HSPA12A: variants seen among roughly 807,000 people sequenced by gnomAD.
HSPA12A encodes the protein heat shock protein family A (Hsp70) member 12A.
A neutral mutation model predicts 69.2 loss-of-function variants in HSPA12A; 28 were observed. The observed-to-expected ratio is 0.40, with a 90% CI of 0.30 to 0.55. HSPA12A has a LOEUF of 0.55. Ranked by LOEUF, HSPA12A falls within the 20% of genes least tolerant of loss-of-function variation. The pLI is 0.38. For missense variants in HSPA12A, 686 were observed against 900.7 expected (o/e 0.76, Z 3.05); for synonymous variants, 345 against 370.5 (o/e 0.93, Z 0.79).
chr10:116,707,263 A>C lies in HSPA12A; in HGVS notation c.63T>G (p.Tyr21Ter). The change falls in exon 2 of 12, where the codon TAT becomes TAG. Residue 21 changes from tyrosine to a stop codon, truncating the protein, a stop_gained. Coordinates refer to ENST00000369209, the MANE Select transcript of HSPA12A (RefSeq NM_025015.3). LOFTEE classifies it high-confidence loss of function. Reference protein sequence around the residue: ...GPRETAPTSAYSSPARSLGDT... With the variant: ...GPRETAPTSA ...CCCCAAGACTCCGGGCTGGAGATGA[A>C]TATGCAGATGTGGGAGCCGTTTCTG... 1 of 1,612,914 alleles carries C rather than the reference A, an allele frequency of 6.2e-7. No homozygotes were observed. Among genetic ancestry groups the C allele is most frequent in the East Asian group, 2.2e-5 (1 of 44,868 alleles).
rs1589614045 is a variant in HSPA12A, at chr10:116,672,642, A to G, written c.*2139T>C. ...AAAGTATCATCAACAAAAATCAAGCATTTTCCTCTTTTTGAAACAAGAAAA... is the reference window on the plus strand; with the variant it reads ...AAAGTATCATCAACAAAAATCAAGCGTTTTCCTCTTTTTGAAACAAGAAAA... On this transcript the variant is annotated 3_prime_UTR_variant, in exon 12 of 12. Coordinates refer to ENST00000369209, the MANE Select transcript of HSPA12A (RefSeq NM_025015.3). 1 of 152,590 alleles carries G rather than the reference A, an allele frequency of 6.6e-6. No homozygotes were observed. The highest frequency in any genetic ancestry group is 2.4e-5 in the African/African-American group (1 of 41,442). 9.5% of individuals were successfully genotyped at this position (152,590 alleles called of 1,614,324 possible). A position where few individuals can be genotyped will look rare whatever the true frequency, so the allele number is the denominator to read the frequency against.
chr10:116,720,889 C>T (rs73377095), intron 1 of HSPA12A, among the ~76,000 whole-genome samples: 5,434 of 152,256 alleles, frequency 0.036, 342 homozygotes, highest in African/African-American at 0.12. Flanking sequence ...CAGGACCACC[C>T]ACTGCAGCCT....
chr10:116,707,214 G>C lies in HSPA12A; in HGVS notation c.112C>G (p.Pro38Ala). 6.2e-7 allele frequency: 1 copy of C among 1,609,550 alleles called. No homozygotes were observed. The highest frequency in any genetic ancestry group is 8.5e-7 in the Non-Finnish European group (1 of 1,178,048). Reference protein sequence around the residue: ...LGDTGITPLSPSHIVNDTDSN... With the variant: ...LGDTGITPLSASHIVNDTDSN... ...ACACTTCTTACCACAATATGGGAGGGGGACAGAGGCGTTATTCCTGTGTCC... is the reference window on the plus strand; with the variant it reads ...ACACTTCTTACCACAATATGGGAGGCGGACAGAGGCGTTATTCCTGTGTCC... The change falls in exon 2 of 12, where the codon CCC becomes GCC. Residue 38 changes from proline (P) to alanine (A), a missense_variant. Transcript: ENST00000369209.
chr10:116,792,033 T>C (rs1015652841), intron 2 of HSPA12A, among the ~76,000 whole-genome samples: 19 of 152,092 alleles, frequency 1.2e-4, no homozygotes, highest in African/African-American at 4.6e-4. Flanking sequence ...TTCCTGGGAA[T>C]GTAATAATGA....
intron 2 of HSPA12A, among the ~76,000 whole-genome samples, chr10:116,777,967 C>A (rs1175050740): frequency 6.6e-6 from 1 of 152,124 alleles, no homozygotes; most frequent in Non-Finnish European, 1.5e-5. Flanking sequence ...ACCTCATGAT[C>A]CGCCCGCCTC....
At chr10:116,722,454 T>C (rs944503341) in intron 1 of HSPA12A, among the ~76,000 whole-genome samples, 5 of 152,316 alleles carry the variant, frequency 3.3e-5, no homozygotes, top group Non-Finnish European at 5.9e-5. Context: ...GGGAGGGTCC[T>C]GAATGGCATA....
intron 1 of HSPA12A, chr10:116,849,543 C>A (rs961937730): frequency 6.6e-7 from 1 of 1,508,442 alleles, no homozygotes; most frequent in East Asian, 2.5e-5. Flanking sequence ...GGCTAAACCC[C>A]GCTGTAGCCT....
intron 1 of HSPA12A, among the ~76,000 whole-genome samples, chr10:116,726,628 G>A (rs890769151): frequency 1.3e-5 from 2 of 152,264 alleles, no homozygotes; most frequent in East Asian, 3.9e-4. Flanking sequence ...AGGCCCAAGA[G>A]GGGGCTGCCC....
intron 1 of HSPA12A, among the ~76,000 whole-genome samples, chr10:116,713,037 G>A (rs145153666): frequency 0.016 from 1,685 of 102,318 alleles, 21 homozygotes; most frequent in Non-Finnish European, 0.02. Context: ...CCTGCTGGCT[G>A]TCAGATGTCA....
chr10:116,805,241 G>C (rs1845044185), intron 2 of HSPA12A, among the ~76,000 whole-genome samples: 1 of 152,114 alleles, frequency 6.6e-6, no homozygotes, highest in African/African-American at 2.4e-5. Flanking sequence ...GCGTGAACCC[G>C]GGAGGCGGAG....
intron 1 of HSPA12A, 36 bp downstream of exon 1, chr10:116,742,394 C>T (rs1322788261): frequency 1.5e-5 from 22 of 1,429,970 alleles, no homozygotes; most frequent in Admixed American, 5.2e-5. Flanking sequence ...CCCTGCCCCG[C>T]CAGCCGCGGC....
chr10:116,816,453 C>T (rs74477372), intron 2 of HSPA12A, among the ~76,000 whole-genome samples: 1,630 of 152,302 alleles, frequency 0.011, 22 homozygotes, highest in African/African-American at 0.034. Context: ...ACCTTTTCTC[C>T]GAGGCCTGGA....
At chr10:116,707,153 GCACACACACACACA>G (rs59728190) in intron 2 of HSPA12A, 33 bp downstream of exon 2, 25 of 583,410 alleles carry the variant, frequency 4.3e-5, no homozygotes, top group South Asian at 1.1e-4. Flanking sequence ...ACCCATGCGC[GCACACACACACACA>G]CACACACACA....
At chr10:116,749,089 A>G (rs1468786268) in intron 2 of HSPA12A, among the ~76,000 whole-genome samples, 2 of 152,084 alleles carry the variant, frequency 1.3e-5, no homozygotes, top group African/African-American at 4.8e-5. Context: ...CACCCAACCT[A>G]TGGTTCCATA....
Position 116,751,622 on chromosome 10 carries a change from A to G in HSPA12A, c.92-44337T>C, listed in dbSNP as rs193042627. On this transcript the variant is annotated intron_variant, in intron 2 of 12. Transcript: ENST00000635765. ...CTCTAAGTAAAATTGCTTTCCCAGG[A>G]AAAACAGTAACAGTTGCTATCATTT... 2.6e-3 allele frequency among the ~76,000 whole-genome samples: 392 copies of G among 152,322 alleles called. 5 individuals carry two copies. The highest frequency in any genetic ancestry group is 0.017 in the East Asian group (87 of 5,180).
Position 116,702,086 on chromosome 10 carries a change from G to A in HSPA12A, c.255-957C>T, listed in dbSNP as rs374508451. On this transcript the variant is annotated intron_variant, in intron 3 of 11. Transcript: ENST00000369209. ...ATCGCATCACTGCACTCCAGCCTGG[G>A]CAACACAGCAAGACCCTATCTCTAA... 7.8e-4 allele frequency among the ~76,000 whole-genome samples: 118 copies of A among 151,772 alleles called. 1 individual carries two copies. Among genetic ancestry groups the A allele is most frequent in the African/African-American group, 2.7e-3 (113 of 41,366 alleles).
At chr10:116,706,944 C>A (rs1305963379) in intron 2 of HSPA12A, among the ~76,000 whole-genome samples, 5 of 152,190 alleles carry the variant, frequency 3.3e-5, no homozygotes, top group Non-Finnish European at 7.3e-5. Flanking sequence ...CACCCAGGCC[C>A]CTGCTCCAGA....
At chr10:116,824,093 G>T (rs1845457045) in intron 2 of HSPA12A, among the ~76,000 whole-genome samples, 1 of 152,072 alleles carries the variant, frequency 6.6e-6, no homozygotes, top group Admixed American at 6.5e-5. Context: ...AATGGACAAA[G>T]AACCTGAACA....
chr10:116,812,722 C>A (rs1845216551), intron 2 of HSPA12A, among the ~76,000 whole-genome samples: 1 of 152,220 alleles, frequency 6.6e-6, no homozygotes, highest in Non-Finnish European at 1.5e-5. Context: ...TGCTGCCACT[C>A]TTTCCTTCAG....
Sources: gnomAD v4.1 joint callset for allele counts (sites outside exome capture counted in the v4.1 genomes callset) on GRCh38, gnomAD v4.1.1 for gene constraint, MANE v1.5 for transcripts, NCBI Gene and HGNC (gene_info 2026-07-23, HGNC 2026-07-21) for gene names.